Variants in XYLB observed in about 807,000 individuals in gnomAD.
The protein encoded by XYLB is xylulose kinase.
XYLB carries 62 observed loss-of-function variants against 78.7 expected under a neutral mutation model. The observed-to-expected ratio is 0.79, with a 90% confidence interval of 0.64 to 0.97. The LOEUF is 0.97. XYLB is among the 50% of genes least tolerant of loss of function. XYLB has a pLI of 0.00. For missense variants in XYLB, 687 were observed against 676.8 expected, an observed-to-expected ratio of 1.02 and a Z score of -0.17; for synonymous variants, 245 against 247.4, an observed-to-expected ratio of 0.99 and a Z score of 0.09.
chr3:38,361,599 A>G (rs991927308), intron 3 of XYLB, among the ~76,000 whole-genome samples: 1 of 152,172 alleles, frequency 6.6e-6, no homozygotes, highest in African/African-American at 2.4e-5. Flanking sequence ...CAGTGTCAGG[A>G]GGTCCCAGTG....
downstream of XYLB, among the ~76,000 whole-genome samples, chr3:38,415,916 C>T (rs1034120352): frequency 6.6e-6 from 1 of 152,130 alleles, no homozygotes; most frequent in Admixed American, 6.5e-5. Flanking sequence ...AAGAAAGGAC[C>T]TTCTTCACAT....
At chr3:38,348,526 T>G (rs375796374) in intron 1 of XYLB, 24 bp from the exon 2 acceptor site, 16 of 1,613,468 alleles carry the variant, frequency 9.9e-6, no homozygotes, top group Middle Eastern at 1.6e-4. Context: ...AATTCTACAC[T>G]TCCTTTTTTA....
chr3:38,368,138 A>G, intron 7 of XYLB, 47 bp from the exon 8 acceptor site: 1 of 1,565,720 alleles, frequency 6.4e-7, no homozygotes, highest in Non-Finnish European at 8.8e-7. Context: ...TCAGTAGCGT[A>G]GGGTATGTGG....
chr3:38,425,399 G>C (rs918937746), downstream of XYLB, among the ~76,000 whole-genome samples: 8 of 152,202 alleles, frequency 5.3e-5, no homozygotes, highest in Non-Finnish European at 1.5e-5. Context: ...TGGAAAGAAT[G>C]AATCACTCCC....
chr3:38,435,452 T>C, the XYLB span, among the ~76,000 whole-genome samples: 1 of 152,274 alleles, frequency 6.6e-6, no homozygotes, highest in African/African-American at 2.4e-5. Context: ...AAGCAAATAT[T>C]ATTAGATCTA....
chr3:38,439,162 C>G, the XYLB span, among the ~76,000 whole-genome samples: 5 of 152,180 alleles, frequency 3.3e-5, no homozygotes, highest in Non-Finnish European at 5.9e-5. Context: ...GATGACCATT[C>G]TAGCTACTTC....
chr3:38,384,465 T>C (rs1331543495), intron 15 of XYLB, among the ~76,000 whole-genome samples: 2 of 152,194 alleles, frequency 1.3e-5, no homozygotes, highest in Admixed American at 1.3e-4. Context: ...TCCCAGACAC[T>C]GTCTTCACGG....
chr3:38,403,699 T>C (rs1332805703), intron 18 of XYLB, among the ~76,000 whole-genome samples: 1 of 152,130 alleles, frequency 6.6e-6, no homozygotes, highest in Admixed American at 6.6e-5. Flanking sequence ...GGCTCTTTCA[T>C]TCTATCTAGA....
intron 2 of XYLB, chr3:38,355,875 A>G (rs1484304580): frequency 2.9e-6 from 2 of 684,398 alleles, no homozygotes; most frequent in Non-Finnish European, 2.7e-6. Context: ...ACATGAGGAG[A>G]AAGAAACTTC....
chr3:38,445,795 C>T, the XYLB span, among the ~76,000 whole-genome samples: 5 of 152,148 alleles, frequency 3.3e-5, no homozygotes, highest in Admixed American at 6.5e-5. Flanking sequence ...CCGGTGGCCA[C>T]GCTAGTCACT....
rs374612817 is a variant in XYLB at position 38,379,330 on chromosome 3, G to A, written c.1279G>A (p.Gly427Ser). ...MAKRIHAEGL[G>S]YRVMSKTKIL... ...CAAGAGGATTCACGCAGAAGGCCTGGGCTATCGAGTCAGTAAGTGAGCCAC... is the reference window on the plus strand; with the variant it reads ...CAAGAGGATTCACGCAGAAGGCCTGAGCTATCGAGTCAGTAAGTGAGCCAC... Residue 427 changes from glycine to serine, a missense_variant, in exon 15 of 19, where the codon GGC (glycine) becomes AGC (serine). By Grantham distance (56) the Gly-to-Ser change is moderately conservative. Coordinates refer to ENST00000207870, the MANE Select transcript of XYLB (RefSeq NM_005108.4). The A allele has an allele frequency of 2.3e-5, 37 of 1,613,954 alleles. No individual in the cohort carries two copies. Among genetic ancestry groups the A allele is most frequent in the Non-Finnish European group, 2.5e-5 (29 of 1,180,018 alleles).
intron 18 of XYLB, among the ~76,000 whole-genome samples, chr3:38,410,207 CAG>C (rs1559621262): frequency 6.6e-6 from 1 of 152,164 alleles, no homozygotes. Flanking sequence ...TGGAACAGAA[CAG>C]AGCCCTCAGA....
chr3:38,377,934 G>C (rs1161594257), intron 14 of XYLB, among the ~76,000 whole-genome samples: 1 of 152,192 alleles, frequency 6.6e-6, no homozygotes, highest in Non-Finnish European at 1.5e-5. Context: ...TCTCGGGAAG[G>C]ATTTAGTTGG....
chr3:38,447,466 G>C, the XYLB span, among the ~76,000 whole-genome samples: 21 of 126,972 alleles, frequency 1.7e-4, no homozygotes, highest in African/African-American at 4.4e-4. Context: ...ACCACATCTG[G>C]CTAATTTTTT....
intron 13 of XYLB, 57 bp downstream of exon 13, chr3:38,376,289 G>A: frequency 7.5e-7 from 1 of 1,338,668 alleles, no homozygotes; most frequent in Non-Finnish European, 1.1e-6. Flanking sequence ...CGACTGGAGG[G>A]GCAGAGCCTG....
At chr3:38,387,445 A>G (rs1707432958) in intron 15 of XYLB, among the ~76,000 whole-genome samples, 1 of 151,508 alleles carries the variant, frequency 6.6e-6, no homozygotes, top group East Asian at 1.9e-4. Context: ...ATCTCGGCTC[A>G]CTCCAACCTC....
At chr3:38,437,291 A>G in the XYLB span, among the ~76,000 whole-genome samples, 1 of 152,138 alleles carries the variant, frequency 6.6e-6, no homozygotes, top group Non-Finnish European at 1.5e-5. Context: ...ATATACAACA[A>G]ATCCACAGCT....
At chr3:38,420,756 A>G (rs914031836), downstream of XYLB, among the ~76,000 whole-genome samples, 1 of 151,526 alleles carries the variant, frequency 6.6e-6, no homozygotes, top group Non-Finnish European at 1.5e-5. Context: ...GGGTTTTGCC[A>G]TGTTGTTGGT....
At chr3:38,437,052 A>C in the XYLB span, among the ~76,000 whole-genome samples, 399 of 148,660 alleles carry the variant, frequency 2.7e-3, 7 homozygotes, top group African/African-American at 9.1e-3. Flanking sequence ...AATAACAAAA[A>C]CCAAAAAAAA....
Sources: allele counts gnomAD v4.1 joint callset (sites outside exome capture counted in the v4.1 genomes callset), GRCh38; gene constraint gnomAD v4.1.1; transcripts MANE v1.5; gene names NCBI Gene and HGNC (gene_info 2026-07-23, HGNC 2026-07-21).